The following B3GALT1 variants were observed in gnomAD, a reference collection of about 807,000 sequenced individuals.
B3GALT1 encodes beta-1,3-galactosyltransferase 1, also known as UDP-Gal:betaGlcNAc beta 1,3-galactosyltransferase, polypeptide 1.
In B3GALT1, 10 loss-of-function variants were observed where a neutral mutation model predicts 23.2. The ratio of observed to expected loss-of-function variants is 0.43; its 90% CI spans 0.27 to 0.73. The LOEUF (loss-of-function observed/expected upper bound fraction) is 0.73. Ranked by LOEUF, B3GALT1 falls within the 30% of genes least tolerant of loss-of-function variation. The pLI is 0.21. For missense variants in B3GALT1, 299 were observed against 405.4 expected, an observed-to-expected ratio of 0.74 and a Z score of 2.25; for synonymous variants, 156 against 141.5, an observed-to-expected ratio of 1.10 and a Z score of -0.73.
chr2:167,348,900 A>G (rs1697265018), intron 1 of B3GALT1, among the ~76,000 whole-genome samples: 1 of 152,156 alleles, frequency 6.6e-6, no homozygotes, highest in Non-Finnish European at 1.5e-5. Context: ...ATATTATAGT[A>G]AAAGTTCCTT....
chr2:167,325,489 T>C (rs1696878456), intron 1 of B3GALT1, among the ~76,000 whole-genome samples: 1 of 151,738 alleles, frequency 6.6e-6, no homozygotes, highest in Admixed American at 6.6e-5. Flanking sequence ...TAACTTACTC[T>C]CACCACACCA....
Position 167,390,427 on chromosome 2 carries a change from A to G in B3GALT1, c.-511+97093A>G, listed in dbSNP as rs79452517. Among the ~76,000 whole-genome samples the G allele has an allele frequency of 9.7e-3, 1,476 of 152,334 alleles. 19 individuals carry two copies. The highest frequency in any genetic ancestry group is 0.05 in the East Asian group (257 of 5,190). On this transcript the variant is annotated intron_variant, in intron 1 of 4. Transcript: ENST00000392690. ...GAAATGGAACATCAGACTTGCTGAG[A>G]GAAGAAGCTATTTTTAAAGATCTCA...
Position 167,640,819 on chromosome 2 carries a change from G to A in B3GALT1, c.-409-6090G>A, listed in dbSNP as rs535418039. ...TGGTGCTCATTTCCATTGCAGCCTG[G>A]TCTCTGTAGGCTTTTGAGCTTTGGA... On this transcript the variant is annotated intron_variant, in intron 2 of 4. Transcript: ENST00000392690. Among the ~76,000 whole-genome samples, 5 of 152,182 alleles carry A rather than the reference G, an allele frequency of 3.3e-5. No individual in the cohort carries two copies. The East Asian group carries it at 9.7e-4, about 29-fold the overall frequency.
At chr2:167,381,062 G>GT (rs567882051) in intron 1 of B3GALT1, among the ~76,000 whole-genome samples, 16 of 151,960 alleles carry the variant, frequency 1.1e-4, no homozygotes, top group South Asian at 1.0e-3. Context: ...ACACTTCTGG[G>GT]TTTTTTTTAT....
intron 2 of B3GALT1, among the ~76,000 whole-genome samples, chr2:167,543,169 T>C (rs1324921650): frequency 6.6e-6 from 1 of 152,184 alleles, no homozygotes; most frequent in African/African-American, 2.4e-5. Flanking sequence ...CTATGGGATT[T>C]ATCCTGTAAA....
chr2:167,566,404 T>A (rs1574142942), intron 2 of B3GALT1, among the ~76,000 whole-genome samples: 3 of 151,934 alleles, frequency 2.0e-5, no homozygotes, highest in South Asian at 2.1e-4. Context: ...TAATGCTAAA[T>A]GACGAGTTAA....
intron 4 of B3GALT1, among the ~76,000 whole-genome samples, chr2:167,844,236 A>G (rs1689708463): frequency 6.6e-6 from 1 of 152,262 alleles, no homozygotes; most frequent in Non-Finnish European, 1.5e-5. Flanking sequence ...GGCAAGGATC[A>G]TCATGGTGGA....
At chr2:167,406,527 C>T (rs573987088) in intron 1 of B3GALT1, among the ~76,000 whole-genome samples, 2 of 152,298 alleles carry the variant, frequency 1.3e-5, no homozygotes, top group South Asian at 4.1e-4. Flanking sequence ...CAGGAAATCT[C>T]CCCTCAATTC....
intron 1 of B3GALT1, among the ~76,000 whole-genome samples, chr2:167,408,798 CAA>C (rs1178640940): frequency 9.3e-5 from 1 of 10,752 alleles, no homozygotes; most frequent in East Asian, 2.0e-3. Flanking sequence ...AAGATGTATA[CAA>C]AAAAAAAAAA....
At chr2:167,702,254 GAAGA>G (rs1463186950) in intron 3 of B3GALT1, among the ~76,000 whole-genome samples, 2 of 152,040 alleles carry the variant, frequency 1.3e-5, no homozygotes, top group African/African-American at 4.8e-5. Flanking sequence ...AACCAGGGAA[GAAGA>G]AAAAGGATCT....
At chr2:167,341,717 G>A (rs1357736959) in intron 1 of B3GALT1, among the ~76,000 whole-genome samples, 1 of 152,070 alleles carries the variant, frequency 6.6e-6, no homozygotes, top group African/African-American at 2.4e-5. Context: ...GAACAATTCA[G>A]CTTTGGCTCC....
At chr2:167,699,862 G>A (rs902137239) in intron 3 of B3GALT1, among the ~76,000 whole-genome samples, 14 of 152,020 alleles carry the variant, frequency 9.2e-5, no homozygotes, top group African/African-American at 2.4e-4. Flanking sequence ...AGAGGCACCC[G>A]CCACCATACC....
intron 2 of B3GALT1, among the ~76,000 whole-genome samples, chr2:167,645,552 A>ATTT: frequency 4.0e-5 from 3 of 75,750 alleles, no homozygotes; most frequent in South Asian, 9.6e-4. Context: ...CACTGCCAAT[A>ATTT]ATTTTTTTTT....
chr2:167,499,412 A>G (rs2105347177), intron 2 of B3GALT1, among the ~76,000 whole-genome samples: 1 of 152,272 alleles, frequency 6.6e-6, no homozygotes, highest in African/African-American at 2.4e-5. Flanking sequence ...CAGTCAGAGT[A>G]GTAAGGTAAT....
intron 3 of B3GALT1, among the ~76,000 whole-genome samples, chr2:167,685,949 TTTTAA>T (rs1270733284): frequency 4.6e-5 from 7 of 152,244 alleles, no homozygotes; most frequent in African/African-American, 1.7e-4. Context: ...AAAAGGTCAC[TTTTAA>T]TTTATTTATT....
intron 3 of B3GALT1, among the ~76,000 whole-genome samples, chr2:167,795,838 G>A (rs1051258261): frequency 1.4e-4 from 22 of 152,232 alleles, no homozygotes; most frequent in African/African-American, 4.6e-4. Context: ...CAGCAATGCA[G>A]ATATTTATAG....
chr2:167,338,114 T>C (rs949550870), intron 1 of B3GALT1, among the ~76,000 whole-genome samples: 5 of 152,186 alleles, frequency 3.3e-5, no homozygotes, highest in Non-Finnish European at 7.4e-5. Flanking sequence ...AGTGTCCTAA[T>C]TTCTCGTTTT....
chr2:167,774,472 G>GTTTTTTTTGTTTGTTTTTTTTTTTTT (rs1558974686), intron 3 of B3GALT1, among the ~76,000 whole-genome samples: 5 of 111,932 alleles, frequency 4.5e-5, no homozygotes, highest in South Asian at 3.0e-4. Context: ...GTGTTTATTG[G>GTTTTTTTTGTTTGTTTTTTTTTTTTT]TTTTTTTTTT....
chr2:167,851,313 C>T (rs1288714982), intron 4 of B3GALT1, among the ~76,000 whole-genome samples: 1 of 152,056 alleles, frequency 6.6e-6, no homozygotes, highest in East Asian at 1.9e-4. Flanking sequence ...ACCAGCCCTA[C>T]CTTTTATTAG....
Sources: allele counts gnomAD v4.1 joint callset (sites outside exome capture counted in the v4.1 genomes callset), GRCh38; gene constraint gnomAD v4.1.1; transcripts MANE v1.5; gene names NCBI Gene and HGNC (gene_info 2026-07-23, HGNC 2026-07-21).